Variants in CLCN3 observed in about 807,000 individuals in gnomAD.
CLCN3 encodes Cl-/H+ antiporter 3.
A neutral mutation model predicts 83.4 loss-of-function variants in CLCN3; 16 were observed. The observed-to-expected ratio is 0.19, with a 90% CI of 0.13 to 0.29. The LOEUF is 0.29. CLCN3 is among the 10% of genes least tolerant of loss of function. CLCN3 has a pLI of 1.00. For synonymous variants in CLCN3, 322 were observed against 346.2 expected (o/e 0.93, Z 0.78); for missense variants, 544 against 1,006.0 (o/e 0.54, Z 6.21).
At chr4:169,631,122 G>A (rs1773358391) in intron 1 of CLCN3, among the ~76,000 whole-genome samples, 1 of 151,992 alleles carries the variant, frequency 6.6e-6, no homozygotes, top group Non-Finnish European at 1.5e-5. Flanking sequence ...GTTGTTTTTT[G>A]GCTTTTTAAT....
intron 3 of CLCN3, among the ~76,000 whole-genome samples, chr4:169,685,638 G>A (rs189976331): frequency 6.9e-4 from 105 of 152,130 alleles, no homozygotes; most frequent in African/African-American, 2.5e-3. Context: ...TTTTAGGAAC[G>A]GTGATGATTG....
At chr4:169,646,193 G>A (rs1176836572) in intron 2 of CLCN3, among the ~76,000 whole-genome samples, 4 of 152,136 alleles carry the variant, frequency 2.6e-5, no homozygotes. Flanking sequence ...TAGAGTAGGA[G>A]CTCGTTAAGA....
chr4:169,680,248 A>C (rs1731884492), intron 3 of CLCN3, 41 bp downstream of exon 3: 1 of 1,406,360 alleles, frequency 7.1e-7, no homozygotes, highest in Non-Finnish European at 9.9e-7. Context: ...CATAGTGCAT[A>C]ATTAGATCTT....
intron 3 of CLCN3, among the ~76,000 whole-genome samples, chr4:169,681,726 A>T (rs1431331955): frequency 6.6e-6 from 1 of 152,254 alleles, no homozygotes; most frequent in African/African-American, 2.4e-5. Context: ...TAATTCATTT[A>T]AAAATAACAG....
intron 1 of CLCN3, among the ~76,000 whole-genome samples, chr4:169,630,278 T>A (rs1260174042): frequency 2.0e-5 from 3 of 152,228 alleles, no homozygotes; most frequent in Non-Finnish European, 4.4e-5. Context: ...CCTTGCTTCC[T>A]TCCCTACATT....
At chr4:169,653,944 T>C (rs1296778102) in intron 2 of CLCN3, among the ~76,000 whole-genome samples, 1 of 152,160 alleles carries the variant, frequency 6.6e-6, no homozygotes, top group East Asian at 1.9e-4. Flanking sequence ...AGCCCACTTC[T>C]AACACTGGAA....
At chr4:169,628,508 A>G (rs556625786) in intron 1 of CLCN3, among the ~76,000 whole-genome samples, 3 of 152,370 alleles carry the variant, frequency 2.0e-5, no homozygotes, top group African/African-American at 7.2e-5. Context: ...TAGTCATTTC[A>G]CTGAAGAGGA....
At chr4:169,640,767 T>C (rs909532808) in intron 2 of CLCN3, among the ~76,000 whole-genome samples, 15 of 152,222 alleles carry the variant, frequency 9.9e-5, no homozygotes, top group Non-Finnish European at 1.8e-4. Flanking sequence ...AGTGCAGCTT[T>C]AGAATTATTC....
At chr4:169,653,345 A>G (rs1730781724) in intron 2 of CLCN3, among the ~76,000 whole-genome samples, 1 of 152,076 alleles carries the variant, frequency 6.6e-6, no homozygotes, top group Non-Finnish European at 1.5e-5. Flanking sequence ...ACAATTTATA[A>G]AGAAAAGAGG....
intron 5 of CLCN3, 69 bp downstream of exon 5, chr4:169,689,299 A>G: frequency 7.5e-7 from 1 of 1,325,434 alleles, no homozygotes; most frequent in African/African-American, 1.5e-5. Flanking sequence ...TCATTTAATT[A>G]TAGAACTAAT....
chr4:169,719,113 T>C (rs530068121), intron 12 of CLCN3, among the ~76,000 whole-genome samples: 1 of 152,244 alleles, frequency 6.6e-6, no homozygotes, highest in Non-Finnish European at 1.5e-5. Context: ...TTCATGAAGA[T>C]TCTGATACAA....
chr4:169,711,541 G>A (rs1289067595), intron 11 of CLCN3, among the ~76,000 whole-genome samples: 3 of 152,084 alleles, frequency 2.0e-5, no homozygotes, highest in Non-Finnish European at 2.9e-5. Context: ...GTAGAGACAG[G>A]GTTTCACCAT....
At chr4:169,624,733 G>A (rs1459040378) in intron 1 of CLCN3, among the ~76,000 whole-genome samples, 1 of 152,154 alleles carries the variant, frequency 6.6e-6, no homozygotes, top group African/African-American at 2.4e-5. Flanking sequence ...CTGGTACATT[G>A]TTAGCTATTC....
rs1181954880 is a variant in CLCN3 at position 169,653,460 on chromosome 4, T to C, written c.160+17372T>C. On this transcript the variant is annotated intron_variant, in intron 2 of 12. Coordinates refer to ENST00000513761, the MANE Select transcript of CLCN3 (RefSeq NM_001829.4). ...TTAGAAACCAGCCTGGCCAATATGA[T>C]AAAACCCTGTCTCTACTAAAAATAC... Among the ~76,000 whole-genome samples the C allele has an allele frequency of 2.0e-5, 3 of 151,754 alleles. No homozygotes were observed. In the East Asian group the frequency reaches 5.8e-4, roughly 29 times the overall value.
At chr4:169,708,486 C>T (rs566371485) in intron 11 of CLCN3, among the ~76,000 whole-genome samples, 2 of 152,094 alleles carry the variant, frequency 1.3e-5, no homozygotes, top group East Asian at 3.9e-4. Flanking sequence ...TGCTTGGCTC[C>T]GTTCAAGCAT....
chr4:169,635,804 G>A lies in CLCN3; in HGVS notation c.-16-109G>A, dbSNP rs1209223029. On this transcript the variant is annotated intron_variant, in intron 1 of 12. Transcript: ENST00000513761. ...AGGTAACTATTGTTACAGTGAATACGCTTAATTTTTTTTAGCACATAGATC... is the reference window on the plus strand; with the variant it reads ...AGGTAACTATTGTTACAGTGAATACACTTAATTTTTTTTAGCACATAGATC... 1.6e-5 allele frequency: 12 copies of A among 771,814 alleles called. No individual in the cohort carries two copies. The East Asian group carries it at 1.8e-4, about 12-fold the overall frequency. The allele number at this position is 771,814 out of a possible 1,614,324, so 47.8% of individuals were successfully genotyped here. A position where few individuals can be genotyped will look rare whatever the true frequency, so the allele number is the denominator to read the frequency against.
chr4:169,664,771 G>T (rs187103783), intron 2 of CLCN3, among the ~76,000 whole-genome samples: 1 of 152,132 alleles, frequency 6.6e-6, no homozygotes, highest in East Asian at 1.9e-4. Flanking sequence ...CTTTAGTATG[G>T]TTAATTTTAT....
intron 2 of CLCN3, among the ~76,000 whole-genome samples, chr4:169,677,146 A>C (rs893913623): frequency 6.6e-6 from 1 of 151,934 alleles, no homozygotes. Context: ...TTATATTATA[A>C]AAATATTATA....
chr4:169,679,891 G>A (rs1731865911), intron 2 of CLCN3, among the ~76,000 whole-genome samples, 159 bp from the exon 3 acceptor site: 1 of 121,530 alleles, frequency 8.2e-6, no homozygotes, highest in African/African-American at 2.8e-5. Flanking sequence ...GGGAGTCGGA[G>A]ACGAGGGAGA....
Sources: allele counts gnomAD v4.1 joint callset (sites outside exome capture counted in the v4.1 genomes callset), GRCh38; gene constraint gnomAD v4.1.1; transcripts MANE v1.5; gene names NCBI Gene and HGNC (gene_info 2026-07-23, HGNC 2026-07-21).